The following DCHS2 variants were observed in gnomAD, a reference collection of about 807,000 sequenced individuals.
The protein encoded by DCHS2 is dachsous cadherin-related 2.
Under a neutral mutation model 182.4 loss-of-function variants are expected in DCHS2, and 142 were observed. The observed-to-expected ratio is 0.78, with a 90% CI of 0.68 to 0.89. The LOEUF (loss-of-function observed/expected upper bound fraction) is 0.89, where lower values mean the gene tolerates loss of function less well. Ranked by LOEUF, DCHS2 falls within the 40% of genes least tolerant of loss-of-function variation. The pLI, the probability that DCHS2 is intolerant of heterozygous loss-of-function variation, is 0.00. For missense variants in DCHS2, 4,319 were observed against 4,198.6 expected (o/e 1.03, Z -0.79); for synonymous variants, 1,740 against 1,663.3 (o/e 1.05, Z -1.12).
chr4:154,321,333 T>C (rs566278996), intron 8 of DCHS2, 111 bp from the exon 9 acceptor site: 3 of 1,155,368 alleles, frequency 2.6e-6, no homozygotes, highest in Non-Finnish European at 3.4e-6. Context: ...TGTGATCATA[T>C]GTTAATTAGT....
intron 3 of DCHS2, among the ~76,000 whole-genome samples, chr4:154,355,062 C>T (rs6536000): frequency 6.6e-6 from 1 of 151,882 alleles, no homozygotes; most frequent in African/African-American, 2.4e-5. Flanking sequence ...GTGCTTGAAC[C>T]AGAGTGACTC....
intron 1 of DCHS2, chr4:154,486,502 C>G (rs1280836338): frequency 7.7e-7 from 1 of 1,304,420 alleles, no homozygotes; most frequent in Non-Finnish European, 1.0e-6. Context: ...TTGACAAAGG[C>G]AACTTGAGCA....
intron 2 of DCHS2, among the ~76,000 whole-genome samples, chr4:154,375,023 A>G (rs960968405): frequency 2.0e-5 from 3 of 152,188 alleles, no homozygotes; most frequent in African/African-American, 4.8e-5. Context: ...AAAAGAATGT[A>G]TGATACCATG....
chr4:154,331,528 C>T, intron 5 of DCHS2: 1 of 1,544,432 alleles, frequency 6.5e-7, no homozygotes, highest in Non-Finnish European at 8.8e-7. Flanking sequence ...AGCTTGCAAC[C>T]TTCTTGGCAA....
At position 154,233,154 on chromosome 4, in the gene DCHS2, C is replaced by T. The variant is rs1560966796; in HGVS notation, c.*1382G>A. On this transcript the variant is annotated 3_prime_UTR_variant, in exon 20 of 20. Coordinates refer to ENST00000357232, the MANE Select transcript of DCHS2 (RefSeq NM_001358235.2). ...GCCACACGATACCCTTTAGATTTCA[C>T]ATTAGAATTCCTAAACTGTTAGCCT... 1 of 152,172 alleles carries T rather than the reference C, an allele frequency of 6.6e-6. No individual in the cohort carries two copies. Among genetic ancestry groups the T allele is most frequent in the East Asian group, 1.9e-4 (1 of 5,194 alleles). The allele number at this position is 152,172 out of a possible 1,614,324, so 9.4% of individuals were successfully genotyped here. A position where few individuals can be genotyped will look rare whatever the true frequency, so the allele number is the denominator to read the frequency against.
At chr4:154,470,121 A>G (rs1297695381) in intron 1 of DCHS2, among the ~76,000 whole-genome samples, 2 of 152,194 alleles carry the variant, frequency 1.3e-5, no homozygotes, top group African/African-American at 4.8e-5. Flanking sequence ...AAGAGAATGA[A>G]AGAAGCAAGA....
chr4:154,254,440 T>C (rs1305369049), intron 16 of DCHS2, among the ~76,000 whole-genome samples: 1 of 152,226 alleles, frequency 6.6e-6, no homozygotes, highest in Non-Finnish European at 1.5e-5. Flanking sequence ...GTTATGCCTC[T>C]TTCTTTTGTA....
At chr4:154,457,249 C>T (rs62330368) in intron 1 of DCHS2, among the ~76,000 whole-genome samples, 2 of 152,168 alleles carry the variant, frequency 1.3e-5, no homozygotes, top group African/African-American at 4.8e-5. Context: ...TAACCTCATG[C>T]CCTTTAGCTC....
intron 2 of DCHS2, chr4:154,373,920 C>A: frequency 6.2e-7 from 1 of 1,604,180 alleles, no homozygotes; most frequent in Non-Finnish European, 8.5e-7. Flanking sequence ...TGTTCCTTAC[C>A]TTCACCAGGG....
At chr4:154,402,904 AT>A (rs1732249387) in intron 1 of DCHS2, among the ~76,000 whole-genome samples, 1 of 152,168 alleles carries the variant, frequency 6.6e-6, no homozygotes, top group Non-Finnish European at 1.5e-5. Context: ...CGTGCATTTT[AT>A]TAAATTTATT....
At chr4:154,362,455 T>C (rs1730167538) in intron 3 of DCHS2, among the ~76,000 whole-genome samples, 1 of 152,214 alleles carries the variant, frequency 6.6e-6, no homozygotes, top group African/African-American at 2.4e-5. Context: ...TCCACAAATA[T>C]ATGATGGGGG....
intron 1 of DCHS2, among the ~76,000 whole-genome samples, chr4:154,424,777 A>G (rs1733254298): frequency 1.3e-5 from 2 of 152,324 alleles, no homozygotes; most frequent in African/African-American, 4.8e-5. Context: ...CAGAAAGATT[A>G]TCTTCATTCA....
chr4:154,257,903 C>T (rs149393999), intron 15 of DCHS2, among the ~76,000 whole-genome samples: 43 of 152,280 alleles, frequency 2.8e-4, no homozygotes, highest in South Asian at 1.0e-3. Flanking sequence ...TTCAGTGCAC[C>T]TGGGCTTTAT....
At chr4:154,382,701 T>A (rs1364100943) in intron 1 of DCHS2, among the ~76,000 whole-genome samples, 1 of 152,106 alleles carries the variant, frequency 6.6e-6, no homozygotes. Context: ...TAACAGACAC[T>A]TCTCAAAAGA....
chr4:154,277,104 T>TA (rs971675890), intron 13 of DCHS2, among the ~76,000 whole-genome samples: 6 of 151,864 alleles, frequency 4.0e-5, no homozygotes, highest in Admixed American at 2.0e-4. Context: ...TTCTAACCCA[T>TA]AAAAAAAAGG....
intron 1 of DCHS2, among the ~76,000 whole-genome samples, chr4:154,408,593 A>G (rs1340659902): frequency 6.6e-6 from 1 of 152,238 alleles, no homozygotes; most frequent in Admixed American, 6.5e-5. Flanking sequence ...AGCCCTTAGC[A>G]CTCATTCCCA....
chr4:154,479,245 T>C (rs1047447729), intron 1 of DCHS2, among the ~76,000 whole-genome samples: 2 of 152,004 alleles, frequency 1.3e-5, no homozygotes, highest in African/African-American at 4.8e-5. Context: ...AATTTGAAAA[T>C]AATACAAGCC....
intron 1 of DCHS2, among the ~76,000 whole-genome samples, chr4:154,462,989 T>C (rs1321009018): frequency 6.6e-6 from 1 of 151,876 alleles, no homozygotes; most frequent in Non-Finnish European, 1.5e-5. Flanking sequence ...ACCTCAAAGA[T>C]GAACCATGAA....
Position 154,491,577 on chromosome 4 carries a change from G to A in DCHS2, c.-222C>T. ...AGGGAAGTAAGCTCTAGCTGCCTCT[G>A]CCGCGGCAGCCACCTCTTCTGCCCC... On this transcript the variant is annotated 5_prime_UTR_variant, in exon 1 of 20. Transcript: ENST00000357232. 1 of 1,344,484 alleles carries A rather than the reference G, an allele frequency of 7.4e-7. No homozygotes were observed. The highest frequency in any genetic ancestry group is 2.9e-5 in the East Asian group (1 of 34,856). The allele number at this position is 1,344,484 out of a possible 1,614,324, so 83.3% of individuals were successfully genotyped here.
Sources: gnomAD v4.1 joint callset for allele counts (sites outside exome capture counted in the v4.1 genomes callset) on GRCh38, gnomAD v4.1.1 for gene constraint, MANE v1.5 for transcripts, NCBI Gene and HGNC (gene_info 2026-07-23, HGNC 2026-07-21) for gene names.